Variants in ROPN1L observed in about 807,000 individuals in gnomAD.
ROPN1L encodes ropporin-1-like protein.
ROPN1L carries 23 observed loss-of-function variants against 22.7 expected under a neutral mutation model. The ratio of observed to expected loss-of-function variants is 1.01; its 90% CI spans 0.73 to 1.43. The LOEUF (loss-of-function observed/expected upper bound fraction) is 1.43, where lower values mean the gene tolerates loss of function less well. Ranked by LOEUF, ROPN1L falls within the 40% of genes most tolerant of loss-of-function variation. The probability of loss-of-function intolerance (pLI) is 0.00; values close to 1 mark genes in which losing one functional copy is unlikely to be tolerated. For synonymous variants in ROPN1L, 116 were observed against 117.8 expected (o/e 0.98, Z 0.10); for missense variants, 271 against 291.5 (o/e 0.93, Z 0.51).
downstream of ROPN1L, among the ~76,000 whole-genome samples, chr5:10,476,789 G>A (rs1473767548): frequency 6.6e-6 from 1 of 152,228 alleles, no homozygotes; most frequent in Admixed American, 6.5e-5. Flanking sequence ...AAATAATAAT[G>A]TATCTAATTC....
the ROPN1L span, among the ~76,000 whole-genome samples, chr5:10,479,763 C>T: frequency 0.69 from 104,023 of 150,520 alleles, 36,881 homozygotes; most frequent in Non-Finnish European, 0.76. Context: ...TTTTTTTTTT[C>T]TGAGACGGAG....
At chr5:10,477,254 T>C in the ROPN1L span, among the ~76,000 whole-genome samples, 2 of 152,252 alleles carry the variant, frequency 1.3e-5, no homozygotes, top group African/African-American at 4.8e-5. Context: ...TTGACCTTTT[T>C]CAACATGTTA....
At chr5:10,453,123 G>C (rs1741305595) in intron 3 of ROPN1L, among the ~76,000 whole-genome samples, 1 of 152,186 alleles carries the variant, frequency 6.6e-6, no homozygotes, top group Non-Finnish European at 1.5e-5. Flanking sequence ...GCCTCTCCTG[G>C]TTGTAGAAAG....
rs575064353 is a variant in ROPN1L at position 10,442,253 on chromosome 5, C to A, written c.86C>A (p.Ala29Asp). ...LPDILKQFTK[A>D]AIRTQPADVL... is the part of the protein sequence containing the mutation. ...GACATCCTGAAGCAATTCACCAAGG[C>A]TGCCATCCGCACCCAGCCGGCCGAC... Residue 29 changes from alanine (A) to aspartate (D), a missense_variant, in exon 1 of 5, where the codon GCT becomes GAT. Coordinates refer to ENST00000274134, the MANE Select transcript of ROPN1L (RefSeq NM_031916.5). 1 of 1,613,764 alleles carries A rather than the reference C, an allele frequency of 6.2e-7. No individual in the cohort carries two copies. The highest frequency in any genetic ancestry group is 1.3e-5 in the African/African-American group (1 of 75,062).
rs1741060459 is a variant in ROPN1L at position 10,446,313 on chromosome 5, C to T, written c.132-1947C>T. On this transcript the variant is annotated intron_variant, in intron 1 of 4. Transcript: ENST00000274134. ...ATGATGGGACTTAGCAGCCTCCTGG[C>T]CTGCACCCACTGGATGCCTGGAGTA... is the stretch of plus-strand genomic sequence containing the variant. Among the ~76,000 whole-genome samples, 4 of 152,186 alleles carry T rather than the reference C, an allele frequency of 2.6e-5. No individual in the cohort carries two copies. The South Asian group carries it at 8.3e-4, about 32-fold the overall frequency.
intron 1 of ROPN1L, among the ~76,000 whole-genome samples, chr5:10,443,412 G>C (rs1163973365): frequency 6.6e-6 from 1 of 151,614 alleles, no homozygotes; most frequent in Non-Finnish European, 1.5e-5. Context: ...CATGAGGTCA[G>C]GAGATCGAGA....
At chr5:10,468,092 T>G (rs1046939906), downstream of ROPN1L, among the ~76,000 whole-genome samples, 3 of 152,110 alleles carry the variant, frequency 2.0e-5, no homozygotes, top group African/African-American at 7.2e-5. Context: ...CAGTTGGGGG[T>G]CTTCGTCTGG....
chr5:10,465,601 G>A (rs2126474863), downstream of ROPN1L, among the ~76,000 whole-genome samples: 1 of 152,094 alleles, frequency 6.6e-6, no homozygotes, highest in Non-Finnish European at 1.5e-5. Flanking sequence ...TGTAATCCCA[G>A]CACTTTGGGA....
downstream of ROPN1L, among the ~76,000 whole-genome samples, chr5:10,468,521 A>C (rs1228299564): frequency 6.6e-6 from 1 of 152,246 alleles, no homozygotes; most frequent in Non-Finnish European, 1.5e-5. Flanking sequence ...AGCCATAGGT[A>C]GTTGGGCTTT....
At position 10,459,905 on chromosome 5, in the gene ROPN1L, G is replaced by A. The variant is rs16884735; in HGVS notation, c.418-1279G>A. Among the ~76,000 whole-genome samples the A allele has an allele frequency of 1.3e-3, 203 of 152,356 alleles. 1 individual carries two copies. Among genetic ancestry groups the A allele is most frequent in the South Asian group, 0.012 (56 of 4,830 alleles). ...GGTGTGTAACAGGCACTTGGCAAAC[G>A]TGGAGGGAATGAAGGGCTGTTGCCA... On this transcript the variant is annotated intron_variant, in intron 3 of 4. Coordinates refer to ENST00000274134, the MANE Select transcript of ROPN1L (RefSeq NM_031916.5).
At position 10,459,344 on chromosome 5, in the gene ROPN1L, C is replaced by CTGCCTTCCACCCTCATCACTGGGTTCT. The variant is rs1370842912; in HGVS notation, c.418-1819_418-1793dup. 9.2e-5 allele frequency among the ~76,000 whole-genome samples: 14 copies of CTGCCTTCCACCCTCATCACTGGGTTCT among 151,532 alleles called. No individual in the cohort carries two copies. In the South Asian group the frequency reaches 1.0e-3, roughly 11 times the overall value. On this transcript the variant is annotated intron_variant, in intron 3 of 4. Transcript: ENST00000274134. ...GCCTTCCACCCTCATCACTGGGTTC[C>CTGCCTTCCACCCTCATCACTGGGTTCT]TGCCTTCCACCCTCATCACTGGGTT...
downstream of ROPN1L, among the ~76,000 whole-genome samples, chr5:10,467,154 A>C (rs921402929): frequency 2.6e-5 from 4 of 152,104 alleles, no homozygotes; most frequent in Admixed American, 6.5e-5. Context: ...GCGCCACATT[A>C]CTTCTCCCAG....
rs754333927 is a variant in ROPN1L, at chr5:10,442,233, C to T, written c.66C>T (p.Ile22=). The change falls in exon 1 of 5, where the codon ATC becomes ATT. Residue 22 remains isoleucine (I), a synonymous_variant. Transcript: ENST00000274134. ...QIHIPPELPD[I]LKQFTKAAIR... is the part of the protein sequence containing the mutation. ...ACATTCCCCCGGAGCTGCCGGACAT[C>T]CTGAAGCAATTCACCAAGGCTGCCA... 6.2e-7 allele frequency: 1 copy of T among 1,613,868 alleles called. No individual in the cohort carries two copies.
At position 10,461,365 on chromosome 5, in the gene ROPN1L, T is replaced by G. The variant is rs1735026477; in HGVS notation, c.593+6T>G. On this transcript the variant is annotated splice_donor_region_variant and intron_variant, in intron 4 of 4. Coordinates refer to ENST00000274134, the MANE Select transcript of ROPN1L (RefSeq NM_031916.5). ...GCCTCTCTAAAGGAAAATATGTAAG[T>G]ATGCACCCTCTCTAGGATTCAGGTA... is the stretch of plus-strand genomic sequence containing the variant. 1.2e-6 allele frequency: 2 copies of G among 1,610,986 alleles called. No homozygotes were observed. Among genetic ancestry groups the G allele is most frequent in the Non-Finnish European group, 1.7e-6 (2 of 1,177,550 alleles).
intron 3 of ROPN1L, among the ~76,000 whole-genome samples, chr5:10,451,404 C>T (rs546655891): frequency 3.3e-5 from 5 of 152,356 alleles, no homozygotes; most frequent in African/African-American, 7.2e-5. Flanking sequence ...TCCTGCTTCT[C>T]GCTTCCTGAC....
chr5:10,462,083 G>GC (rs1286187114), intron 4 of ROPN1L, among the ~76,000 whole-genome samples: 4 of 152,148 alleles, frequency 2.6e-5, no homozygotes, highest in African/African-American at 9.7e-5. Flanking sequence ...TAAGCCATCA[G>GC]CCCCTCTCCC....
chr5:10,475,632 A>G (rs1435212675), downstream of ROPN1L, among the ~76,000 whole-genome samples: 1 of 152,254 alleles, frequency 6.6e-6, no homozygotes, highest in Admixed American at 6.5e-5. Context: ...TAAATAAAAA[A>G]TAATGCCCAA....
intron 1 of ROPN1L, among the ~76,000 whole-genome samples, chr5:10,443,641 A>C (rs1042966709): frequency 6.6e-5 from 10 of 152,246 alleles, no homozygotes; most frequent in African/African-American, 2.4e-4. Flanking sequence ...AAAAAAAAAA[A>C]ACACAGACAT....
downstream of ROPN1L, among the ~76,000 whole-genome samples, chr5:10,465,516 A>G (rs1266608789): frequency 6.6e-6 from 1 of 151,062 alleles, no homozygotes; most frequent in African/African-American, 2.4e-5. Flanking sequence ...CTCCGTCTCA[A>G]AAAAAAACAA....
Sources: gnomAD v4.1 joint callset for allele counts (sites outside exome capture counted in the v4.1 genomes callset) on GRCh38, gnomAD v4.1.1 for gene constraint, MANE v1.5 for transcripts, NCBI Gene and HGNC (gene_info 2026-07-23, HGNC 2026-07-21) for gene names.